Variants in PIK3C2G observed in about 807,000 individuals in gnomAD.
PIK3C2G encodes the protein phosphatidylinositol 3-kinase C2 domain-containing subunit gamma.
A neutral mutation model predicts 181.1 loss-of-function variants in PIK3C2G; 168 were observed. That is an observed-to-expected ratio of 0.93 (90% confidence interval 0.82 to 1.05). The LOEUF (loss-of-function observed/expected upper bound fraction) is 1.05, where lower values mean the gene tolerates loss of function less well. PIK3C2G is among the 50% of genes least tolerant of loss of function. The pLI, the probability that PIK3C2G is intolerant of heterozygous loss-of-function variation, is 0.00. For synonymous variants in PIK3C2G, 573 were observed against 592.2 expected, an observed-to-expected ratio of 0.97 and a Z score of 0.47; for missense variants, 1,869 against 1,732.8, an observed-to-expected ratio of 1.08 and a Z score of -1.40.
chr12:18,555,738 C>G (rs554803768), intron 26 of PIK3C2G, among the ~76,000 whole-genome samples: 42 of 152,140 alleles, frequency 2.8e-4, no homozygotes, highest in Non-Finnish European at 4.7e-4. Context: ...TACCTTTGAT[C>G]CACCTGAGAA....
chr12:18,349,836 T>G (rs1940052147), intron 11 of PIK3C2G, among the ~76,000 whole-genome samples: 1 of 152,174 alleles, frequency 6.6e-6, no homozygotes, highest in African/African-American at 2.4e-5. Flanking sequence ...CTATAGTTTT[T>G]AAAAACCTCT....
chr12:18,377,371 A>G (rs1044233115), intron 13 of PIK3C2G, among the ~76,000 whole-genome samples: 1 of 152,300 alleles, frequency 6.6e-6, no homozygotes, highest in East Asian at 1.9e-4. Context: ...TCCAGAACAA[A>G]TATTTTGAAA....
chr12:18,580,741 C>T (rs1019288592), intron 29 of PIK3C2G, among the ~76,000 whole-genome samples: 1 of 152,162 alleles, frequency 6.6e-6, no homozygotes. Flanking sequence ...GACATTCTGA[C>T]ACACTGCTTT....
At chr12:18,572,866 GTTA>G (rs1316684955) in intron 29 of PIK3C2G, among the ~76,000 whole-genome samples, 2 of 151,892 alleles carry the variant, frequency 1.3e-5, no homozygotes, top group African/African-American at 2.4e-5. Flanking sequence ...TGTTTAATAT[GTTA>G]TTAAACTCAT....
chr12:18,618,904 G>A lies in PIK3C2G; in HGVS notation c.4182+9275G>A, dbSNP rs759009210. On this transcript the variant is annotated intron_variant, in intron 31 of 32. Transcript: ENST00000538779. Reference sequence around the variant, plus strand: ...ATAGAAATTATCCAAGCTACAGAACGTAGAGGAAAAAAGATTGAAATAAAA... The same window carrying A: ...ATAGAAATTATCCAAGCTACAGAACATAGAGGAAAAAAGATTGAAATAAAA... 5.9e-5 allele frequency among the ~76,000 whole-genome samples: 9 copies of A among 152,032 alleles called. No homozygotes were observed. The East Asian group carries it at 7.7e-4, about 13-fold the overall frequency.
At chr12:18,472,124 T>G (rs1051064803) in intron 18 of PIK3C2G, among the ~76,000 whole-genome samples, 2 of 152,172 alleles carry the variant, frequency 1.3e-5, no homozygotes, top group African/African-American at 4.8e-5. Context: ...AAGGACTTTC[T>G]ACTTTTCTTG....
At chr12:18,243,008 C>G (rs1948000585), upstream of PIK3C2G, among the ~76,000 whole-genome samples, 1 of 152,174 alleles carries the variant, frequency 6.6e-6, no homozygotes, top group South Asian at 2.1e-4. Flanking sequence ...GTTGGCATTT[C>G]TACTGGCCAG....
intron 24 of PIK3C2G, among the ~76,000 whole-genome samples, chr12:18,511,152 C>G (rs1942181196): frequency 6.6e-6 from 1 of 152,048 alleles, no homozygotes; most frequent in African/African-American, 2.4e-5. Flanking sequence ...TCATAAATGA[C>G]AGAATTTCCC....
At chr12:18,399,210 A>AAAAAAAAAAAAAAAT (rs1944093462) in intron 15 of PIK3C2G, among the ~76,000 whole-genome samples, 1 of 149,832 alleles carries the variant, frequency 6.7e-6, no homozygotes. Context: ...AAAAAAAAAA[A>AAAAAAAAAAAAAAAT]TATGCCATTT....
At chr12:18,420,845 C>T (rs1025628280) in intron 16 of PIK3C2G, 96 bp from the exon 17 acceptor site, 2 of 685,100 alleles carry the variant, frequency 2.9e-6, no homozygotes, top group East Asian at 2.6e-5. Flanking sequence ...TTACCTTATG[C>T]ACTGGGGGTA....
intron 30 of PIK3C2G, among the ~76,000 whole-genome samples, chr12:18,606,858 T>A (rs929997297): frequency 3.1e-4 from 47 of 152,084 alleles, no homozygotes; most frequent in African/African-American, 1.1e-3. Flanking sequence ...GTTTAATCCT[T>A]GGGAAGTAAA....
In PIK3C2G at chr12:18,648,175, G is replaced by T; in HGVS notation, c.*147G>T. On this transcript the variant is annotated 3_prime_UTR_variant, in exon 33 of 33. Coordinates refer to ENST00000538779, the MANE Select transcript of PIK3C2G (RefSeq NM_001288772.2). Reference sequence around the variant, plus strand: ...GAAAAAAAATCAGAATTAGTCTTTTGTGTTGTTTATTTTCTACCTGTGCTT... The same window carrying T: ...GAAAAAAAATCAGAATTAGTCTTTTTTGTTGTTTATTTTCTACCTGTGCTT... 1 of 404,418 alleles carries T rather than the reference G, an allele frequency of 2.5e-6. No homozygotes were observed. 25.1% of individuals were successfully genotyped at this position (404,418 alleles called of 1,614,324 possible). A position where few individuals can be genotyped will look rare whatever the true frequency, so the allele number is the denominator to read the frequency against.
chr12:18,371,093 G>C, intron 12 of PIK3C2G, 87 bp from the exon 13 acceptor site: 2 of 1,075,332 alleles, frequency 1.9e-6, no homozygotes, highest in Non-Finnish European at 2.5e-6. Flanking sequence ...AAATATCTTT[G>C]TCCCAGACCA....
the PIK3C2G span, among the ~76,000 whole-genome samples, chr12:18,661,630 T>C: frequency 6.6e-6 from 1 of 151,996 alleles, no homozygotes; most frequent in Non-Finnish European, 1.5e-5. Flanking sequence ...TGGCTATTAT[T>C]AAAAAGTCAA....
intron 24 of PIK3C2G, among the ~76,000 whole-genome samples, chr12:18,516,110 T>C (rs1236003213): frequency 6.6e-6 from 1 of 152,114 alleles, no homozygotes; most frequent in African/African-American, 2.4e-5. Context: ...TAGCATTCTT[T>C]TCATTGAGAA....
At chr12:18,637,322 C>T (rs1369967863) in intron 31 of PIK3C2G, among the ~76,000 whole-genome samples, 1 of 151,742 alleles carries the variant, frequency 6.6e-6, no homozygotes, top group Non-Finnish European at 1.5e-5. Context: ...TAAGCTGACT[C>T]AAGTCTAGGA....
the PIK3C2G span, among the ~76,000 whole-genome samples, chr12:18,663,200 A>G: frequency 1.3e-5 from 2 of 152,094 alleles, no homozygotes; most frequent in African/African-American, 4.8e-5. Context: ...CTTTTATTCA[A>G]CATAGTACTG....
At chr12:18,642,786 C>CTGTGTGTGTGTGTG (rs56095750) in intron 32 of PIK3C2G, among the ~76,000 whole-genome samples, 1 of 143,100 alleles carries the variant, frequency 7.0e-6, no homozygotes, top group African/African-American at 2.7e-5. Context: ...ATAAGTGACA[C>CTGTGTGTGTGTGTG]TGTGTGTGTG....
intron 1 of PIK3C2G, among the ~76,000 whole-genome samples, chr12:18,249,505 AC>A (rs578160463): frequency 1.3e-5 from 2 of 152,132 alleles, no homozygotes; most frequent in Non-Finnish European, 2.9e-5. Context: ...TAATCCATAA[AC>A]CATGTTTCAT....
Sources: gnomAD v4.1 joint callset for allele counts (sites outside exome capture counted in the v4.1 genomes callset) on GRCh38, gnomAD v4.1.1 for gene constraint, MANE v1.5 for transcripts, NCBI Gene and HGNC (gene_info 2026-07-23, HGNC 2026-07-21) for gene names.